NEGR1: variants seen among roughly 807,000 people sequenced by gnomAD.
NEGR1 encodes the protein neuronal growth regulator 1.
A neutral mutation model predicts 40.9 loss-of-function variants in NEGR1; 10 were observed. The ratio of observed to expected loss-of-function variants is 0.24; its 90% CI spans 0.15 to 0.42. The LOEUF (loss-of-function observed/expected upper bound fraction) is 0.42, where lower values mean the gene tolerates loss of function less well. NEGR1 is among the 10% of genes least tolerant of loss of function. The probability of loss-of-function intolerance (pLI) is 1.00; values close to 1 mark genes in which losing one functional copy is unlikely to be tolerated. For synonymous variants in NEGR1, 185 were observed against 166.8 expected, an observed-to-expected ratio of 1.11 and a Z score of -0.84; for missense variants, 352 against 438.9, an observed-to-expected ratio of 0.80 and a Z score of 1.77.
At chr1:71,723,837 C>A (rs1380035469) in intron 3 of NEGR1, among the ~76,000 whole-genome samples, 2 of 152,010 alleles carry the variant, frequency 1.3e-5, no homozygotes, top group African/African-American at 4.8e-5. Flanking sequence ...AAAGTGGGGG[C>A]AGTCTTGTGT....
chr1:71,860,825 G>C (rs1033855755), intron 2 of NEGR1, among the ~76,000 whole-genome samples: 53 of 152,020 alleles, frequency 3.5e-4, no homozygotes, highest in African/African-American at 1.2e-3. Context: ...AATTTCCCAA[G>C]TCATAAAGCA....
chr1:71,492,665 AT>A lies in NEGR1; in HGVS notation c.941-85096del, dbSNP rs555470125. ...TATCTCTAAATAACTGTATGAAAATATTTACTGAATATGTGCAAGACACAAA... is the reference window on the plus strand; with the variant it reads ...TATCTCTAAATAACTGTATGAAAATATTACTGAATATGTGCAAGACACAAA... On this transcript the variant is annotated intron_variant, in intron 6 of 6. Coordinates refer to ENST00000357731, the MANE Select transcript of NEGR1 (RefSeq NM_173808.3). 2.0e-4 allele frequency among the ~76,000 whole-genome samples: 30 copies of A among 152,186 alleles called. No homozygotes were observed. In the East Asian group the frequency reaches 5.6e-3, roughly 29 times the overall value.
chr1:72,079,567 CAAGT>C (rs570947714), intron 1 of NEGR1, among the ~76,000 whole-genome samples: 74 of 151,980 alleles, frequency 4.9e-4, no homozygotes, highest in African/African-American at 1.6e-3. Flanking sequence ...AAGAACATGA[CAAGT>C]AAAACAATAC....
chr1:71,932,858 T>C (rs1243193573), intron 2 of NEGR1, among the ~76,000 whole-genome samples: 1 of 152,078 alleles, frequency 6.6e-6, no homozygotes, highest in Non-Finnish European at 1.5e-5. Context: ...TTTTGTTCAT[T>C]GAGAAGAAAT....
chr1:72,069,793 T>C (rs913852680), intron 1 of NEGR1, among the ~76,000 whole-genome samples: 11 of 152,146 alleles, frequency 7.2e-5, no homozygotes, highest in African/African-American at 1.7e-4. Flanking sequence ...CCACTAATCA[T>C]ACATAAAAGA....
rs1647093771 is a variant in NEGR1, at chr1:71,513,727, A to G, written c.940+79090T>C. ...GAGGAGCCAAGATGGCCGAATAGGA[A>G]CAGCTCCGGTGAACAGCTCCGGTCT... On this transcript the variant is annotated intron_variant, in intron 6 of 6. Transcript: ENST00000357731. Among the ~76,000 whole-genome samples the G allele has an allele frequency of 2.6e-5, 4 of 152,260 alleles. 1 individual carries two copies. The South Asian group carries it at 8.3e-4, about 32-fold the overall frequency.
At chr1:71,761,613 A>C (rs1438576420) in intron 3 of NEGR1, among the ~76,000 whole-genome samples, 2 of 152,194 alleles carry the variant, frequency 1.3e-5, no homozygotes, top group Non-Finnish European at 2.9e-5. Context: ...TTTAACCCAC[A>C]TGATTTCCAA....
chr1:71,919,913 A>G (rs183347074), intron 2 of NEGR1, among the ~76,000 whole-genome samples: 1 of 152,256 alleles, frequency 6.6e-6, no homozygotes, highest in East Asian at 1.9e-4. Context: ...ATGCAATGAC[A>G]CTCATAACTG....
chr1:72,031,105 A>C (rs1433852725), intron 1 of NEGR1, among the ~76,000 whole-genome samples: 1 of 152,198 alleles, frequency 6.6e-6, no homozygotes, highest in Non-Finnish European at 1.5e-5. Context: ...AGAGAAAAAT[A>C]TAGCAGCCTG....
intron 4 of NEGR1, among the ~76,000 whole-genome samples, chr1:71,684,215 G>A (rs893067870): frequency 6.6e-6 from 1 of 152,036 alleles, no homozygotes; most frequent in African/African-American, 2.4e-5. Context: ...AGCTTGCAGT[G>A]AGCCCAGATC....
intron 6 of NEGR1, among the ~76,000 whole-genome samples, chr1:71,538,444 C>A (rs893937996): frequency 2.0e-5 from 3 of 151,624 alleles, no homozygotes; most frequent in Non-Finnish European, 4.4e-5. Context: ...TATTGAGACA[C>A]AGCAGAAATT....
At chr1:71,888,457 G>A (rs1660800054) in intron 2 of NEGR1, among the ~76,000 whole-genome samples, 1 of 151,860 alleles carries the variant, frequency 6.6e-6, no homozygotes, top group Non-Finnish European at 1.5e-5. Context: ...AGGGGTGACG[G>A]ACGCACCTGG....
At chr1:72,169,152 G>A (rs997549250) in intron 1 of NEGR1, among the ~76,000 whole-genome samples, 2 of 151,946 alleles carry the variant, frequency 1.3e-5, no homozygotes, top group African/African-American at 4.8e-5. Flanking sequence ...GAAAATTCAA[G>A]GAGTCAGATA....
rs535176416 is a variant in NEGR1, at chr1:71,823,546, T to C, written c.410-47249A>G. 6.6e-5 allele frequency among the ~76,000 whole-genome samples: 10 copies of C among 152,148 alleles called. No individual in the cohort carries two copies. The South Asian group carries it at 1.9e-3, about 28-fold the overall frequency. The stretch of plus-strand genomic sequence containing the variant: ...GCTGCCAAAACTGATAAAAATTGAC[T>C]TGGCAATTTTGATAAATTTTATCCT... On this transcript the variant is annotated intron_variant, in intron 2 of 6. Transcript: ENST00000357731.
At chr1:71,780,104 A>G (rs1399900209) in intron 2 of NEGR1, among the ~76,000 whole-genome samples, 3 of 149,272 alleles carry the variant, frequency 2.0e-5, no homozygotes, top group Non-Finnish European at 4.5e-5. Flanking sequence ...AAAATAATGT[A>G]CTATTCTAGA....
intron 1 of NEGR1, among the ~76,000 whole-genome samples, chr1:72,130,980 T>C (rs1650226405): frequency 6.6e-6 from 1 of 152,178 alleles, no homozygotes; most frequent in South Asian, 2.1e-4. Context: ...AATTGCTTAA[T>C]AGAGAAACAT....
chr1:71,586,701 C>T (rs1649320446), intron 6 of NEGR1, among the ~76,000 whole-genome samples: 2 of 152,224 alleles, frequency 1.3e-5, no homozygotes, highest in East Asian at 1.9e-4. Context: ...TGGTGTCTAT[C>T]TTCTTGAAAA....
chr1:71,953,409 C>T (rs974731976), intron 1 of NEGR1, among the ~76,000 whole-genome samples: 9 of 151,976 alleles, frequency 5.9e-5, no homozygotes, highest in African/African-American at 2.2e-4. Flanking sequence ...AAATGAGGAG[C>T]TGCTCTTTAC....
At chr1:72,123,084 C>CAA (rs1258693905) in intron 1 of NEGR1, among the ~76,000 whole-genome samples, 1 of 151,822 alleles carries the variant, frequency 6.6e-6, no homozygotes, top group Non-Finnish European at 1.5e-5. Context: ...GAGCACTAGT[C>CAA]AATCTCCATG....
Sources: allele counts gnomAD v4.1 joint callset (sites outside exome capture counted in the v4.1 genomes callset), GRCh38; gene constraint gnomAD v4.1.1; transcripts MANE v1.5; gene names NCBI Gene and HGNC (gene_info 2026-07-23, HGNC 2026-07-21).